Variants in PTPRD observed in about 807,000 individuals in gnomAD.
The protein encoded by PTPRD is receptor-type tyrosine-protein phosphatase delta.
A neutral mutation model predicts 214.5 loss-of-function variants in PTPRD; 34 were observed. The observed-to-expected ratio is 0.16, with a 90% CI of 0.12 to 0.21. The LOEUF is 0.21. Among genes scored for constraint, PTPRD ranks in the 10% least tolerant of loss-of-function variants. The pLI, the probability that PTPRD is intolerant of heterozygous loss-of-function variation, is 1.00. For missense variants in PTPRD, 2,545 were observed against 2,398.7 expected (o/e 1.06, Z -1.27); for synonymous variants, 1,128 against 845.7 (o/e 1.33, Z -5.79).
intron 11 of PTPRD, among the ~76,000 whole-genome samples, chr9:8,796,970 A>G (rs1432137748): frequency 6.6e-6 from 1 of 152,146 alleles, no homozygotes; most frequent in Non-Finnish European, 1.5e-5. Flanking sequence ...GAATAATCCA[A>G]GTAAAATTTT....
At chr9:10,419,113 T>C (rs2098522430) in intron 2 of PTPRD, among the ~76,000 whole-genome samples, 1 of 151,902 alleles carries the variant, frequency 6.6e-6, no homozygotes, top group Non-Finnish European at 1.5e-5. Flanking sequence ...GGGTCTATGT[T>C]TGTTTGAGGA....
intron 8 of PTPRD, among the ~76,000 whole-genome samples, chr9:9,495,138 C>T (rs2096112977): frequency 6.6e-6 from 1 of 152,028 alleles, no homozygotes; most frequent in Non-Finnish European, 1.5e-5. Context: ...TTAGACCCCA[C>T]TTCATTCATT....
At chr9:9,046,999 G>C (rs759774669) in intron 10 of PTPRD, among the ~76,000 whole-genome samples, 1 of 151,470 alleles carries the variant, frequency 6.6e-6, no homozygotes, top group East Asian at 1.9e-4. Context: ...CAGATGGTAT[G>C]ATCTTATATT....
intron 5 of PTPRD, among the ~76,000 whole-genome samples, chr9:9,778,984 G>A (rs2098821352): frequency 6.9e-6 from 1 of 144,842 alleles, no homozygotes; most frequent in Non-Finnish European, 1.5e-5. Context: ...AAAATAGCAT[G>A]ATACTGGTAC....
At chr9:9,418,174 T>C (rs1224198247) in intron 8 of PTPRD, among the ~76,000 whole-genome samples, 1 of 152,056 alleles carries the variant, frequency 6.6e-6, no homozygotes, top group East Asian at 1.9e-4. Context: ...ACTTTCACAT[T>C]GCCTCTGGGT....
chr9:10,216,939 C>A (rs1445417150), intron 3 of PTPRD, among the ~76,000 whole-genome samples: 2 of 151,940 alleles, frequency 1.3e-5, no homozygotes, highest in African/African-American at 4.8e-5. Flanking sequence ...CATTCCTCCA[C>A]TAGTCAAAAA....
intron 14 of PTPRD, among the ~76,000 whole-genome samples, chr9:8,548,012 C>A (rs758642383): frequency 6.6e-6 from 1 of 152,134 alleles, no homozygotes; most frequent in Non-Finnish European, 1.5e-5. Flanking sequence ...CATGTGAACA[C>A]AGAAAATGTG....
intron 8 of PTPRD, among the ~76,000 whole-genome samples, chr9:9,408,258 T>C (rs771330080): frequency 1.3e-5 from 2 of 151,862 alleles, no homozygotes; most frequent in Non-Finnish European, 3.0e-5. Flanking sequence ...TATCACTTCT[T>C]AAACTTTTGA....
At chr9:8,746,260 GCAACATGGC>G (rs1432190436) in intron 11 of PTPRD, among the ~76,000 whole-genome samples, 1 of 152,154 alleles carries the variant, frequency 6.6e-6, no homozygotes, top group Non-Finnish European at 1.5e-5. Flanking sequence ...GTTGCTGAGG[GCAACATGGC>G]CATATTGAAA....
intron 5 of PTPRD, among the ~76,000 whole-genome samples, chr9:9,850,726 C>T (rs1009109136): frequency 3.3e-5 from 5 of 151,936 alleles, no homozygotes; most frequent in African/African-American, 4.8e-5. Context: ...AAGTATAAAA[C>T]ACATTGTTAT....
intron 11 of PTPRD, among the ~76,000 whole-genome samples, chr9:8,956,427 CAT>C (rs1191563881): frequency 2.0e-5 from 3 of 151,816 alleles, no homozygotes; most frequent in East Asian, 1.9e-4. Context: ...CAAATGAAGA[CAT>C]AATCTATTTT....
chr9:10,100,692 T>C (rs2098543182), intron 3 of PTPRD, among the ~76,000 whole-genome samples: 2 of 151,564 alleles, frequency 1.3e-5, no homozygotes, highest in Admixed American at 1.3e-4. Flanking sequence ...GCGTTACAGA[T>C]TGGGAAGTAA....
At chr9:8,424,847 A>C (rs1183734800) in intron 35 of PTPRD, among the ~76,000 whole-genome samples, 1 of 152,126 alleles carries the variant, frequency 6.6e-6, no homozygotes, top group Admixed American at 6.6e-5. Flanking sequence ...TTTTTTAGCA[A>C]GTGATATATA....
intron 5 of PTPRD, among the ~76,000 whole-genome samples, chr9:9,904,333 T>C (rs748128043): frequency 6.6e-6 from 1 of 152,104 alleles, no homozygotes; most frequent in Non-Finnish European, 1.5e-5. Context: ...ATGACAATTA[T>C]TTCAGGAAAG....
At chr9:9,025,512 T>A (rs1359201423) in intron 10 of PTPRD, among the ~76,000 whole-genome samples, 1 of 152,026 alleles carries the variant, frequency 6.6e-6, no homozygotes, top group Non-Finnish European at 1.5e-5. Flanking sequence ...AGAAAACCCA[T>A]GGAGCTTCAA....
chr9:9,164,506 G>T (rs1390051124), intron 10 of PTPRD, among the ~76,000 whole-genome samples: 3 of 152,086 alleles, frequency 2.0e-5, no homozygotes, highest in Admixed American at 2.0e-4. Context: ...ATATTGACAG[G>T]TTTCAGTAAT....
intron 5 of PTPRD, among the ~76,000 whole-genome samples, chr9:9,811,101 G>C (rs1565443104): frequency 6.6e-6 from 1 of 152,064 alleles, no homozygotes; most frequent in Non-Finnish European, 1.5e-5. Context: ...AGCTGGGCAT[G>C]GTGGTGCACA....
chr9:10,225,695 C>T (rs2099586575), intron 3 of PTPRD, among the ~76,000 whole-genome samples: 1 of 152,064 alleles, frequency 6.6e-6, no homozygotes, highest in South Asian at 2.1e-4. Flanking sequence ...TATTCATTAA[C>T]TGTCGTATTC....
intron 12 of PTPRD, among the ~76,000 whole-genome samples, chr9:8,695,578 TGGTA>T (rs1345380800): frequency 6.6e-6 from 1 of 152,034 alleles, no homozygotes; most frequent in African/African-American, 2.4e-5. Context: ...TCATTCTCAT[TGGTA>T]GGTAAGTTGC....
Sources: allele counts gnomAD v4.1 joint callset (sites outside exome capture counted in the v4.1 genomes callset), GRCh38; gene constraint gnomAD v4.1.1; transcripts MANE v1.5; gene names NCBI Gene and HGNC (gene_info 2026-07-23, HGNC 2026-07-21).